The following PDZRN4 variants were observed in gnomAD, a reference collection of about 807,000 sequenced individuals.
PDZRN4 encodes the protein PDZ domain containing ring finger 4, also known as PDZ domain-containing RING finger protein 4.
Under a neutral mutation model 99.0 loss-of-function variants are expected in PDZRN4, and 70 were observed. The observed-to-expected ratio is 0.71, with a 90% confidence interval of 0.58 to 0.86. The LOEUF (loss-of-function observed/expected upper bound fraction) is 0.86, where lower values mean the gene tolerates loss of function less well. Ranked by LOEUF, PDZRN4 falls within the 40% of genes least tolerant of loss-of-function variation. The pLI is 0.00. For missense variants in PDZRN4, 1,474 were observed against 1,331.2 expected (o/e 1.11, Z -1.67); for synonymous variants, 551 against 501.6 (o/e 1.10, Z -1.32).
chr12:41,244,390 G>C (rs936389746), intron 3 of PDZRN4, among the ~76,000 whole-genome samples: 1 of 152,150 alleles, frequency 6.6e-6, no homozygotes, highest in East Asian at 1.9e-4. Context: ...TCCTGTGGCT[G>C]TAAGTCAAAT....
intron 3 of PDZRN4, among the ~76,000 whole-genome samples, chr12:41,348,546 A>G (rs569982935): frequency 1.3e-5 from 2 of 152,098 alleles, no homozygotes; most frequent in African/African-American, 4.8e-5. Context: ...TGCCAGTTTC[A>G]TTTAAGAATG....
intron 7 of PDZRN4, among the ~76,000 whole-genome samples, chr12:41,557,681 C>T (rs1418965476): frequency 7.3e-5 from 11 of 150,680 alleles, no homozygotes; most frequent in Admixed American, 7.3e-4. Flanking sequence ...GTGCAGAGCT[C>T]CTTTTTTTTT....
intron 3 of PDZRN4, among the ~76,000 whole-genome samples, chr12:41,208,361 A>G (rs997041189): frequency 1.3e-5 from 2 of 151,970 alleles, no homozygotes; most frequent in African/African-American, 4.8e-5. Context: ...GTGGTTTTCT[A>G]TATGAAATGT....
chr12:41,193,077 T>G (rs1437822602), intron 2 of PDZRN4, among the ~76,000 whole-genome samples: 1 of 152,242 alleles, frequency 6.6e-6, no homozygotes, highest in African/African-American at 2.4e-5. Flanking sequence ...CAGTGACATA[T>G]TTCTTCCTTG....
At chr12:41,506,371 C>G in intron 3 of PDZRN4, 85 bp from the exon 4 acceptor site, 1 of 1,318,912 alleles carries the variant, frequency 7.6e-7, no homozygotes, top group South Asian at 1.5e-5. Context: ...CTGGTTGAAA[C>G]CTTTCTCTCT....
chr12:41,380,349 G>C (rs562774060), intron 3 of PDZRN4, among the ~76,000 whole-genome samples: 1 of 151,984 alleles, frequency 6.6e-6, no homozygotes, highest in South Asian at 2.1e-4. Flanking sequence ...GAGAGTAATA[G>C]ATAAGGCCTT....
intron 3 of PDZRN4, among the ~76,000 whole-genome samples, chr12:41,331,101 TTTTAGAAG>T (rs1951738840): frequency 6.6e-6 from 1 of 152,126 alleles, no homozygotes; most frequent in Non-Finnish European, 1.5e-5. Flanking sequence ...GTCCAATTGA[TTTTAGAAG>T]TATAATCTAT....
chr12:41,226,162 T>G (rs1950993282), intron 3 of PDZRN4, among the ~76,000 whole-genome samples: 1 of 152,056 alleles, frequency 6.6e-6, no homozygotes. Flanking sequence ...TGTTACAAAA[T>G]AAAGACCTTT....
At chr12:41,329,642 A>G (rs1199572670) in intron 3 of PDZRN4, among the ~76,000 whole-genome samples, 1 of 152,118 alleles carries the variant, frequency 6.6e-6, no homozygotes, top group Non-Finnish European at 1.5e-5. Flanking sequence ...TTTCTTTAAT[A>G]TAATTGTAGA....
intron 7 of PDZRN4, among the ~76,000 whole-genome samples, chr12:41,556,000 C>T (rs1939155351): frequency 6.6e-6 from 1 of 152,092 alleles, no homozygotes; most frequent in Admixed American, 6.6e-5. Context: ...TTTGACTTCT[C>T]TTCCAGCTTC....
chr12:41,274,080 T>G (rs957876951), intron 3 of PDZRN4, among the ~76,000 whole-genome samples: 2 of 152,084 alleles, frequency 1.3e-5, no homozygotes, highest in African/African-American at 4.8e-5. Flanking sequence ...GTAAGGACAT[T>G]ATATATTTTT....
intron 3 of PDZRN4, among the ~76,000 whole-genome samples, chr12:41,247,512 A>G (rs77866935): frequency 0.016 from 2,476 of 152,274 alleles, 35 homozygotes; most frequent in East Asian, 0.06. Context: ...AAAATGTTTT[A>G]TGTGATGAAC....
chr12:41,389,930 C>A (rs1952197885), intron 3 of PDZRN4, among the ~76,000 whole-genome samples: 2 of 152,150 alleles, frequency 1.3e-5, no homozygotes. Flanking sequence ...TACAAATAAT[C>A]CAGTCTTAAG....
In PDZRN4 at chr12:41,188,715, G is replaced by A. The variant is rs1392632189; in HGVS notation, c.260G>A (p.Gly87Asp). 2.4e-5 allele frequency: 38 copies of A among 1,557,258 alleles called. No homozygotes were observed. Among genetic ancestry groups the A allele is most frequent in the Non-Finnish European group, 3.3e-5 (38 of 1,162,348 alleles). ...LRVQCDYRAR[G>D]CGHSVRLHEL... ...GTCCAGTGCGACTACCGCGCCCGCG[G>A]CTGCGGCCACTCGGTCAGGCTGCAC... The change falls in exon 1 of 10, where the codon GGC (glycine) becomes GAC (aspartate). Residue 87 changes from glycine to aspartate, a missense_variant. By Grantham distance (94) the Gly-to-Asp change is moderately conservative. Transcript: ENST00000402685.
At chr12:41,274,748 C>A (rs1206382724) in intron 3 of PDZRN4, among the ~76,000 whole-genome samples, 1 of 152,076 alleles carries the variant, frequency 6.6e-6, no homozygotes, top group Non-Finnish European at 1.5e-5. Context: ...GCTAGCATTC[C>A]CTGGCTCAAA....
intron 3 of PDZRN4, among the ~76,000 whole-genome samples, chr12:41,218,103 A>G (rs748127336): frequency 2.0e-5 from 3 of 152,148 alleles, no homozygotes; most frequent in Admixed American, 2.0e-4. Flanking sequence ...CCCTCTGCAT[A>G]ATGAACCTAT....
At chr12:41,417,942 A>C (rs1952457592) in intron 3 of PDZRN4, among the ~76,000 whole-genome samples, 1 of 152,108 alleles carries the variant, frequency 6.6e-6, no homozygotes, top group Admixed American at 6.6e-5. Context: ...TGTAACACAA[A>C]CTCCAATTCA....
At chr12:41,242,907 A>G (rs1229036453) in intron 3 of PDZRN4, among the ~76,000 whole-genome samples, 1 of 152,196 alleles carries the variant, frequency 6.6e-6, no homozygotes. Context: ...CCAGTGGTAA[A>G]TAGAATTGGC....
intron 3 of PDZRN4, among the ~76,000 whole-genome samples, chr12:41,312,890 G>A (rs1951616359): frequency 6.6e-6 from 1 of 152,094 alleles, no homozygotes; most frequent in African/African-American, 2.4e-5. Context: ...GCAGCCCCCG[G>A]AGGCTAGCAA....
Sources: allele counts gnomAD v4.1 joint callset (sites outside exome capture counted in the v4.1 genomes callset), GRCh38; gene constraint gnomAD v4.1.1; transcripts MANE v1.5; gene names NCBI Gene and HGNC (gene_info 2026-07-23, HGNC 2026-07-21).